Variants in TLE1 observed in about 807,000 individuals in gnomAD.
TLE1 encodes transducin-like enhancer protein 1.
Under a neutral mutation model 89.8 loss-of-function variants are expected in TLE1, and 21 were observed. That is an observed-to-expected ratio of 0.23 (90% confidence interval 0.17 to 0.34). The LOEUF (loss-of-function observed/expected upper bound fraction) is 0.34. Ranked by LOEUF, TLE1 falls within the 10% of genes least tolerant of loss-of-function variation. The pLI, the probability that TLE1 is intolerant of heterozygous loss-of-function variation, is 1.00. For missense variants in TLE1, 795 were observed against 1,031.2 expected (o/e 0.77, Z 3.14); for synonymous variants, 447 against 407.6 (o/e 1.10, Z -1.16).
chr9:81,665,197 T>C (rs969585985), intron 4 of TLE1, among the ~76,000 whole-genome samples: 3 of 152,154 alleles, frequency 2.0e-5, no homozygotes, highest in Non-Finnish European at 4.4e-5. Context: ...AGGAACACAT[T>C]TGCCTTCTGT....
Position 81,685,886 on chromosome 9 carries a change from C to T in TLE1, c.136G>A (p.Glu46Lys). 1 of 1,613,340 alleles carries T rather than the reference C, an allele frequency of 6.2e-7. No individual in the cohort carries two copies. Among genetic ancestry groups the T allele is most frequent in the Non-Finnish European group, 8.5e-7 (1 of 1,179,998 alleles). ...TTTTCACTTGCCAGTTTCTCACATT[C>T]CAATTTAAGGCTAGGAAAACAAAAC... ...LQAQYHSLKL[E>K]CEKLASEKTE... Residue 46 changes from glutamate to lysine, a missense_variant, in exon 3 of 20, where the codon GAA becomes AAA. This residue lies in a region of TLE1 where 66 missense variants were observed against 118.7 expected (regional missense o/e 0.56). Coordinates refer to ENST00000376499, the MANE Select transcript of TLE1 (RefSeq NM_005077.5).
In TLE1 at chr9:81,688,863, C is replaced by A. The variant is rs1329803500; in HGVS notation, c.-623G>T. 2 of 152,284 alleles carry A rather than the reference C, an allele frequency of 1.3e-5. No homozygotes were observed. The highest frequency in any genetic ancestry group is 4.8e-5 in the African/African-American group (2 of 41,472). The allele number at this position is 152,284 out of a possible 1,614,324, so 9.4% of individuals were successfully genotyped here. A position where few individuals can be genotyped will look rare whatever the true frequency, so the allele number is the denominator to read the frequency against. On this transcript the variant is annotated 5_prime_UTR_variant, in exon 1 of 20. Coordinates refer to ENST00000376499, the MANE Select transcript of TLE1 (RefSeq NM_005077.5). ...GCAAAGGGGAGCGAGGTTGAAGACG[C>A]AGCGGAGGCTCCTGGCCGGGGAGCG...
chr9:81,620,419 T>C, intron 9 of TLE1, 22 bp downstream of exon 9: 1 of 1,570,690 alleles, frequency 6.4e-7, no homozygotes, highest in Non-Finnish European at 8.7e-7. Flanking sequence ...CAAATATTAT[T>C]TCAAGTCCTT....
chr9:81,676,327 A>G (rs1478915584), intron 4 of TLE1, among the ~76,000 whole-genome samples: 1 of 152,196 alleles, frequency 6.6e-6, no homozygotes, highest in Non-Finnish European at 1.5e-5. Flanking sequence ...GAGCAAGGAA[A>G]GAAGCACATG....
chr9:81,616,541 G>C lies in TLE1; in HGVS notation c.765+105C>G, dbSNP rs544399063. 139 of 1,169,064 alleles carry C rather than the reference G, an allele frequency of 1.2e-4. 1 individual carries two copies. The African/African-American group carries it at 1.6e-3, about 14-fold the overall frequency. The allele number at this position is 1,169,064 out of a possible 1,614,324, so 72.4% of individuals were successfully genotyped here. A position where few individuals can be genotyped will look rare whatever the true frequency, so the allele number is the denominator to read the frequency against. On this transcript the variant is annotated intron_variant, in intron 10 of 19. Transcript: ENST00000376499. ...CTTCTTAATGTAAGAAGTTGCAAGA[G>C]GTCCCCCCACCGAGGGGCTCTACTT...
chr9:81,619,520 G>C (rs1824971341), intron 9 of TLE1, among the ~76,000 whole-genome samples: 1 of 152,142 alleles, frequency 6.6e-6, no homozygotes, highest in Non-Finnish European at 1.5e-5. Context: ...TATAGGCTTG[G>C]GCCAGCCAGC....
rs1488883473 is a variant in TLE1, at chr9:81,617,686, A to T, written c.712-987T>A. Among the ~76,000 whole-genome samples the T allele has an allele frequency of 2.0e-5, 3 of 152,108 alleles. No individual in the cohort carries two copies. In the East Asian group the frequency reaches 5.8e-4, roughly 29 times the overall value. ...CACTGCACTCTGGCCTAGCCGACAT[A>T]GCAAGACTCTGTCACAAAAAAATAA... On this transcript the variant is annotated intron_variant, in intron 9 of 19. Coordinates refer to ENST00000376499, the MANE Select transcript of TLE1 (RefSeq NM_005077.5).
At chr9:81,604,525 TC>T (rs1332874568) in intron 14 of TLE1, among the ~76,000 whole-genome samples, 2 of 152,194 alleles carry the variant, frequency 1.3e-5, no homozygotes, top group East Asian at 3.9e-4. Flanking sequence ...GAGTCAAAGT[TC>T]CAGGGAGACA....
At chr9:81,585,746 T>C (rs746432462) in intron 17 of TLE1, 91 bp from the exon 18 acceptor site, 13 of 1,487,078 alleles carry the variant, frequency 8.7e-6, no homozygotes, top group Non-Finnish European at 1.2e-5. Flanking sequence ...ATAGCAAGAA[T>C]GGGGGGAAGT....
chr9:81,633,521 G>C (rs1826974209), intron 7 of TLE1, 157 bp from the exon 8 acceptor site: 2 of 885,076 alleles, frequency 2.3e-6, no homozygotes, highest in Non-Finnish European at 3.4e-6. Flanking sequence ...TCCTAATACA[G>C]TGATTTCCTG....
chr9:81,680,012 T>C (rs1449254941), intron 4 of TLE1, among the ~76,000 whole-genome samples: 2 of 151,452 alleles, frequency 1.3e-5, no homozygotes, highest in East Asian at 3.9e-4. Flanking sequence ...TCTTTCTGTT[T>C]CTTAATAAAC....
In TLE1 at chr9:81,626,787, G is replaced by A. The variant is rs144506886; in HGVS notation, c.595-6230C>T. Among the ~76,000 whole-genome samples the A allele has an allele frequency of 1.5e-3, 231 of 152,222 alleles. 1 individual carries two copies. The highest frequency in any genetic ancestry group is 0.014 in the Admixed American group (207 of 15,282). ...AGGCAGGACAGGGTGCTAAAACCAC[G>A]ATGCCTTCGTCACCACCCTCTCATT... On this transcript the variant is annotated intron_variant, in intron 8 of 19. Coordinates refer to ENST00000376499, the MANE Select transcript of TLE1 (RefSeq NM_005077.5).
intron 1 of TLE1, 52 bp downstream of exon 1, chr9:81,688,165 A>G: frequency 6.3e-7 from 1 of 1,598,294 alleles, no homozygotes; most frequent in Non-Finnish European, 8.5e-7. Flanking sequence ...CGCCCGGGAG[A>G]AGCGCCTCCC....
intron 9 of TLE1, among the ~76,000 whole-genome samples, chr9:81,617,435 C>T (rs1364674720): frequency 1.3e-5 from 2 of 152,166 alleles, no homozygotes; most frequent in African/African-American, 2.4e-5. Context: ...CAGTGGCTCA[C>T]GCCTGTAATC....
chr9:81,636,779 T>C (rs1827419773), intron 6 of TLE1, among the ~76,000 whole-genome samples: 1 of 152,064 alleles, frequency 6.6e-6, no homozygotes, highest in East Asian at 1.9e-4. Flanking sequence ...CCAAGGCAAG[T>C]GGATCACGAG....
intron 14 of TLE1, among the ~76,000 whole-genome samples, chr9:81,606,028 C>T (rs1165295637): frequency 1.1e-4 from 17 of 152,204 alleles, no homozygotes. Flanking sequence ...AAATGCTCAT[C>T]ATCACTGGCC....
chr9:81,585,282 C>T (rs1828237050), intron 18 of TLE1, among the ~76,000 whole-genome samples: 1 of 152,114 alleles, frequency 6.6e-6, no homozygotes, highest in South Asian at 2.1e-4. Flanking sequence ...GTGTCCAAAC[C>T]GTGTATTAGG....
At chr9:81,585,723 G>A (rs1450395275) in intron 17 of TLE1, 68 bp from the exon 18 acceptor site, 3 of 1,559,004 alleles carry the variant, frequency 1.9e-6, no homozygotes, top group Non-Finnish European at 2.6e-6. Context: ...GACGCAATGT[G>A]AAAAGTGGGG....
At chr9:81,601,799 C>G (rs139673974) in intron 14 of TLE1, among the ~76,000 whole-genome samples, 5 of 152,076 alleles carry the variant, frequency 3.3e-5, no homozygotes, top group Non-Finnish European at 5.9e-5. Context: ...CTTAATAATT[C>G]GAAAATGCGA....
Sources: allele counts gnomAD v4.1 joint callset (sites outside exome capture counted in the v4.1 genomes callset), GRCh38; gene constraint gnomAD v4.1.1; regional missense constraint gnomAD v4.1.1; transcripts MANE v1.5; gene names NCBI Gene and HGNC (gene_info 2026-07-23, HGNC 2026-07-21).